The following ACOT11 variants were observed in gnomAD, a reference collection of about 807,000 sequenced individuals.
ACOT11 encodes the protein acyl-CoA thioesterase 11, also known as acyl-coenzyme A thioesterase 11.
Under a neutral mutation model 77.5 loss-of-function variants are expected in ACOT11, and 69 were observed. The ratio of observed to expected loss-of-function variants is 0.89; its 90% CI spans 0.73 to 1.09. The LOEUF is 1.09. Among genes scored for constraint, ACOT11 ranks in the 50% least tolerant of loss-of-function variants. The pLI is 0.00. For synonymous variants in ACOT11, 279 were observed against 313.0 expected (o/e 0.89, Z 1.15); for missense variants, 766 against 813.7 (o/e 0.94, Z 0.71).
At chr1:54,557,902 G>A (rs1329857856) in intron 1 of ACOT11, among the ~76,000 whole-genome samples, 4 of 152,046 alleles carry the variant, frequency 2.6e-5, no homozygotes, top group African/African-American at 9.7e-5. Context: ...TAGGACTTCC[G>A]GTATTACGTT....
In ACOT11 at chr1:54,627,255, C is replaced by T. The variant is rs888765600; in HGVS notation, c.1630-3479C>T. The stretch of plus-strand genomic sequence containing the variant: ...GCCCTGTCATTCCAACTCCGCGGGC[C>T]GTGTGTCACCTGTCCTCCCTGGGAA... On this transcript the variant is annotated intron_variant, in intron 15 of 16. Transcript: ENST00000371316. Among the ~76,000 whole-genome samples the T allele has an allele frequency of 9.7e-5, 13 of 134,700 alleles. 5 individuals carry two copies. Among genetic ancestry groups the T allele is most frequent in the Non-Finnish European group, 1.3e-4 (8 of 59,448 alleles). 88.4% of individuals were successfully genotyped at this position (134,700 alleles called of 152,430 possible).
chr1:54,611,874 A>G, downstream of ACOT11: 11 of 1,073,812 alleles, frequency 1.0e-5, no homozygotes, highest in Admixed American at 2.2e-5. Context: ...CCCACCTGCC[A>G]CTTCTCCCTG....
intron 3 of ACOT11, among the ~76,000 whole-genome samples, chr1:54,587,140 G>A (rs889695183): frequency 6.6e-6 from 1 of 152,186 alleles, no homozygotes; most frequent in Admixed American, 6.5e-5. Flanking sequence ...CTGGAGCACA[G>A]CCTCTTCCGC....
chr1:54,595,430 C>T (rs925837252), intron 6 of ACOT11, among the ~76,000 whole-genome samples: 3 of 151,974 alleles, frequency 2.0e-5, no homozygotes, highest in Non-Finnish European at 4.4e-5. Flanking sequence ...TGTATATATG[C>T]GTACACTCAC....
At chr1:54,623,316 A>G (rs766174486) in intron 15 of ACOT11, 3 of 1,614,100 alleles carry the variant, frequency 1.9e-6, no homozygotes, top group East Asian at 2.2e-5. Flanking sequence ...TATTGCGGCA[A>G]TGACCACCAC....
At chr1:54,577,084 T>C (rs478225) in intron 1 of ACOT11, among the ~76,000 whole-genome samples, 18,181 of 152,248 alleles carry the variant, frequency 0.12, 2,596 homozygotes, top group African/African-American at 0.34. Flanking sequence ...AATTAGCAGA[T>C]TGACTTGATT....
chr1:54,639,064 T>G (rs1644346418), exon 17 of ACOT11: 1 of 151,598 alleles, frequency 6.6e-6, no homozygotes, highest in African/African-American at 2.4e-5. Flanking sequence ...CATGATGGCA[T>G]GCACCTATAA....
At chr1:54,592,007 T>C (rs924812606) in intron 3 of ACOT11, among the ~76,000 whole-genome samples, 1 of 151,148 alleles carries the variant, frequency 6.6e-6, no homozygotes, top group African/African-American at 2.5e-5. Context: ...TCAATACATG[T>C]AGAATGCATT....
chr1:54,571,179 G>T (rs890408367), intron 1 of ACOT11, among the ~76,000 whole-genome samples: 1 of 151,840 alleles, frequency 6.6e-6, no homozygotes, highest in Non-Finnish European at 1.5e-5. Context: ...GTTCAGAATG[G>T]CTCAAGTAAA....
intron 1 of ACOT11, among the ~76,000 whole-genome samples, chr1:54,554,354 T>TA (rs1557644018): frequency 9.4e-6 from 1 of 106,700 alleles, no homozygotes; most frequent in Non-Finnish European, 2.0e-5. Flanking sequence ...TATATATATT[T>TA]TTTTTTTTTT....
rs1051924760 is a variant in ACOT11 at position 54,569,608 on chromosome 1, C to G, written c.34-15047C>G. Reference sequence around the variant, plus strand: ...TCCCGAAATGCACTCCCTTCACCCCCCAACCCCTCACCACAGGGTGAAGCC... The same window carrying G: ...TCCCGAAATGCACTCCCTTCACCCCGCAACCCCTCACCACAGGGTGAAGCC... On this transcript the variant is annotated intron_variant, in intron 1 of 15. Coordinates refer to ENST00000343744, the MANE Select transcript of ACOT11 (RefSeq NM_147161.4). Among the ~76,000 whole-genome samples the G allele has an allele frequency of 3.3e-5, 5 of 152,228 alleles. No individual in the cohort carries two copies. In the East Asian group the frequency reaches 9.6e-4, roughly 29 times the overall value.
At position 54,584,561 on chromosome 1, in the gene ACOT11, C is replaced by T. The variant is rs1654429381; in HGVS notation, c.34-94C>T. On this transcript the variant is annotated intron_variant, in intron 1 of 15. Coordinates refer to ENST00000343744, the MANE Select transcript of ACOT11 (RefSeq NM_147161.4). The surrounding 1 kb of genome is among the most constrained non-coding windows in gnomAD (Gnocchi z 6.3). ...GGAGGTGGCCCTAGGTACTCTCTCT[C>T]CCCCAGACCCTAAGTTCTCAGGGCT... 1 of 1,242,590 alleles carries T rather than the reference C, an allele frequency of 8.0e-7. No homozygotes were observed. The highest frequency in any genetic ancestry group is 1.1e-6 in the Non-Finnish European group (1 of 885,316). 77.0% of individuals were successfully genotyped at this position (1,242,590 alleles called of 1,614,324 possible).
At chr1:54,618,841 G>T (rs1210206597) in intron 15 of ACOT11, among the ~76,000 whole-genome samples, 2 of 152,076 alleles carry the variant, frequency 1.3e-5, no homozygotes, top group East Asian at 3.9e-4. Context: ...AAGGTTATTT[G>T]ATCTTTTTTT....
chr1:54,611,574 C>T, downstream of ACOT11: 1 of 1,611,072 alleles, frequency 6.2e-7, no homozygotes, highest in Middle Eastern at 1.7e-4. Context: ...CAGAATCCAG[C>T]CCACACCACC....
exon 17 of ACOT11, chr1:54,637,451 C>T (rs1040824124): frequency 6.6e-6 from 1 of 152,316 alleles, no homozygotes; most frequent in African/African-American, 2.4e-5. Context: ...CCACTGCACT[C>T]CAGCCCAGGC....
chr1:54,609,431 G>C lies in ACOT11; in HGVS notation c.*319G>C, dbSNP rs747906860. ...CTCCACTGTGACGGTGGCCCGGGGG[G>C]AGGATGCCAGCAGCCTGCCTATGGC... On this transcript the variant is annotated 3_prime_UTR_variant, in exon 16 of 16. Transcript: ENST00000343744. 49 of 1,613,696 alleles carry C rather than the reference G, an allele frequency of 3.0e-5. No individual in the cohort carries two copies. The highest frequency in any genetic ancestry group is 3.6e-5 in the Non-Finnish European group (43 of 1,180,038).
At chr1:54,571,732 T>G in intron 1 of ACOT11, among the ~76,000 whole-genome samples, 1 of 152,130 alleles carries the variant, frequency 6.6e-6, no homozygotes. Context: ...AATGTTGTTA[T>G]GTTGTGCAAG....
chr1:54,575,394 G>T (rs140326102), intron 1 of ACOT11, among the ~76,000 whole-genome samples: 1 of 152,174 alleles, frequency 6.6e-6, no homozygotes, highest in Non-Finnish European at 1.5e-5. Context: ...TTTCAGACAA[G>T]GTTATTTTTA....
chr1:54,634,819 G>T (rs768032351), exon 17 of ACOT11: 9 of 662,762 alleles, frequency 1.4e-5, no homozygotes, highest in Non-Finnish European at 1.9e-5. Context: ...TGACGCTGAG[G>T]AGGACTCCAA....
Sources: gnomAD v4.1 joint callset for allele counts (sites outside exome capture counted in the v4.1 genomes callset) on GRCh38, gnomAD v4.1.1 for gene constraint, Gnocchi (gnomAD v3.1) non-coding constraint, MANE v1.5 for transcripts, NCBI Gene and HGNC (gene_info 2026-07-23, HGNC 2026-07-21) for gene names.